The following DNAJC1 variants were observed in gnomAD, a reference collection of about 807,000 sequenced individuals.
The protein encoded by DNAJC1 is dnaJ homolog subfamily C member 1.
A neutral mutation model predicts 76.6 loss-of-function variants in DNAJC1; 58 were observed. The observed-to-expected ratio is 0.76, with a 90% CI of 0.61 to 0.94. DNAJC1 has a LOEUF of 0.94. Among genes scored for constraint, DNAJC1 ranks in the 40% least tolerant of loss-of-function variants. The pLI, the probability that DNAJC1 is intolerant of heterozygous loss-of-function variation, is 0.00. For synonymous variants in DNAJC1, 258 were observed against 267.9 expected, an observed-to-expected ratio of 0.96 and a Z score of 0.36; for missense variants, 689 against 677.3, an observed-to-expected ratio of 1.02 and a Z score of -0.19.
At chr10:21,935,765 T>C (rs976528376) in intron 1 of DNAJC1, among the ~76,000 whole-genome samples, 1 of 151,800 alleles carries the variant, frequency 6.6e-6, no homozygotes, top group Non-Finnish European at 1.5e-5. Context: ...CCAATAAAGT[T>C]AACAGCTAAT....
intron 11 of DNAJC1, among the ~76,000 whole-genome samples, chr10:21,758,687 G>A (rs1222795597): frequency 6.6e-6 from 1 of 152,252 alleles, no homozygotes; most frequent in Non-Finnish European, 1.5e-5. Flanking sequence ...AATCGAAGAT[G>A]ATCACGGTAA....
At chr10:21,977,075 C>T (rs1456993852) in intron 1 of DNAJC1, among the ~76,000 whole-genome samples, 1 of 152,110 alleles carries the variant, frequency 6.6e-6, no homozygotes, top group Non-Finnish European at 1.5e-5. Context: ...CATACTAAGG[C>T]TTCTTTGTAC....
intron 1 of DNAJC1, among the ~76,000 whole-genome samples, chr10:21,986,783 T>C (rs1469730356): frequency 1.3e-5 from 2 of 152,148 alleles, no homozygotes; most frequent in African/African-American, 4.8e-5. Flanking sequence ...GTTTTTTTTC[T>C]TGAGACAGAA....
At chr10:22,001,153 T>C (rs951291556) in intron 1 of DNAJC1, among the ~76,000 whole-genome samples, 1 of 152,204 alleles carries the variant, frequency 6.6e-6, no homozygotes, top group Non-Finnish European at 1.5e-5. Context: ...CAAATCTCTG[T>C]TGCGTGAACA....
intron 8 of DNAJC1, among the ~76,000 whole-genome samples, chr10:21,823,661 T>A (rs1297771550): frequency 6.6e-6 from 1 of 152,074 alleles, no homozygotes; most frequent in Non-Finnish European, 1.5e-5. Flanking sequence ...TCTTTTGGCT[T>A]CCCTGGGCCA....
intron 1 of DNAJC1, among the ~76,000 whole-genome samples, chr10:21,951,012 G>A (rs1837585036): frequency 6.6e-6 from 1 of 152,312 alleles, no homozygotes; most frequent in African/African-American, 2.4e-5. Context: ...CTTTAATTCA[G>A]ACTTGGCATT....
chr10:21,891,480 AAAAAAAAAAAAAAAAG>A (rs1197406446), intron 7 of DNAJC1, among the ~76,000 whole-genome samples: 3 of 148,792 alleles, frequency 2.0e-5, no homozygotes, highest in Non-Finnish European at 4.5e-5. Context: ...AGTAGACAAA[AAAAAAAAAAAAAAAAG>A]AAAAGAAAAA....
intron 1 of DNAJC1, among the ~76,000 whole-genome samples, chr10:21,935,668 C>A (rs1837300531): frequency 6.6e-6 from 1 of 151,874 alleles, no homozygotes; most frequent in Non-Finnish European, 1.5e-5. Context: ...CTAAAGAGAT[C>A]CACACCTAGA....
rs539109814 is a variant in DNAJC1 at position 21,760,150 on chromosome 10, G to A, written c.1148-532C>T. On this transcript the variant is annotated intron_variant, in intron 10 of 11. Transcript: ENST00000376980. ...AAAAGTTTATTAGCTGGGCCTGGTGGTATACACCTGTATTCCTAGCTACTA... is the reference window on the plus strand; with the variant it reads ...AAAAGTTTATTAGCTGGGCCTGGTGATATACACCTGTATTCCTAGCTACTA... 5.3e-5 allele frequency among the ~76,000 whole-genome samples: 8 copies of A among 152,266 alleles called. No homozygotes were observed. In the South Asian group the frequency reaches 6.2e-4, roughly 12 times the overall value.
chr10:21,998,368 C>T lies in DNAJC1; in HGVS notation c.222+4845G>A, dbSNP rs530837609. On this transcript the variant is annotated intron_variant, in intron 1 of 11. Transcript: ENST00000376980. ...TCGCGCCACTGCACTCCAGCCTGGG[C>T]GACAGAGCAAGACTCCATCTCAAAA... 1.4e-4 allele frequency among the ~76,000 whole-genome samples: 17 copies of T among 122,124 alleles called. No homozygotes were observed. In the East Asian group the frequency reaches 1.7e-3, roughly 12 times the overall value. 80.1% of individuals were successfully genotyped at this position (122,124 alleles called of 152,430 possible).
At chr10:21,928,949 G>A in intron 2 of DNAJC1, 91 bp downstream of exon 2, 1 of 785,516 alleles carries the variant, frequency 1.3e-6, no homozygotes, top group Non-Finnish European at 1.9e-6. Context: ...ATTTTCAAAT[G>A]AAAATATTCC....
chr10:21,926,786 AT>A (rs1460766420), intron 3 of DNAJC1, among the ~76,000 whole-genome samples: 1 of 152,192 alleles, frequency 6.6e-6, no homozygotes, highest in Non-Finnish European at 1.5e-5. Flanking sequence ...TAACTGTCAC[AT>A]TCATTTTTTC....
chr10:21,988,574 G>A (rs925642123), intron 1 of DNAJC1, among the ~76,000 whole-genome samples: 6 of 152,016 alleles, frequency 3.9e-5, no homozygotes, highest in Admixed American at 6.6e-5. Flanking sequence ...TAAGGATCAC[G>A]CTTAATTCTA....
intron 1 of DNAJC1, among the ~76,000 whole-genome samples, chr10:21,951,820 A>C (rs1366046768): frequency 2.0e-5 from 3 of 152,252 alleles, no homozygotes; most frequent in African/African-American, 7.2e-5. Context: ...CACAATTAAA[A>C]GCTAATTTAA....
intron 10 of DNAJC1, 56 bp downstream of exon 10, chr10:21,766,205 G>A (rs1564781154): frequency 8.1e-7 from 1 of 1,236,852 alleles, no homozygotes; most frequent in Non-Finnish European, 1.2e-6. Flanking sequence ...TATAAAAAGG[G>A]ATTAATTTAG....
chr10:21,787,662 C>T (rs1834629281), intron 9 of DNAJC1, among the ~76,000 whole-genome samples: 1 of 152,250 alleles, frequency 6.6e-6, no homozygotes, highest in Non-Finnish European at 1.5e-5. Context: ...GCCTCTGCCA[C>T]TCCATCCCCC....
At chr10:21,863,309 A>C (rs1835946989) in intron 8 of DNAJC1, among the ~76,000 whole-genome samples, 1 of 152,176 alleles carries the variant, frequency 6.6e-6, no homozygotes, top group Non-Finnish European at 1.5e-5. Context: ...ATTAGAAATA[A>C]GAGAGGAGAC....
At chr10:21,837,289 G>C (rs1226760485) in intron 8 of DNAJC1, among the ~76,000 whole-genome samples, 1 of 152,188 alleles carries the variant, frequency 6.6e-6, no homozygotes, top group Non-Finnish European at 1.5e-5. Context: ...CGCCTGCCTT[G>C]GCCTCCCAAA....
rs564208783 is a variant in DNAJC1, at chr10:21,905,127, T to G, written c.730-515A>C. Among the ~76,000 whole-genome samples the G allele has an allele frequency of 2.0e-5, 3 of 151,968 alleles. No individual in the cohort carries two copies. In the South Asian group the frequency reaches 6.2e-4, roughly 32 times the overall value. On this transcript the variant is annotated intron_variant, in intron 6 of 11. Coordinates refer to ENST00000376980, the MANE Select transcript of DNAJC1 (RefSeq NM_022365.4). ...CTTTTACCACCCTTAGAGACGAGTA[T>G]AAAAACCATTACCATGAAGTCTTGA...
Sources: allele counts gnomAD v4.1 joint callset (sites outside exome capture counted in the v4.1 genomes callset), GRCh38; gene constraint gnomAD v4.1.1; transcripts MANE v1.5; gene names NCBI Gene and HGNC (gene_info 2026-07-23, HGNC 2026-07-21).